TYW1B: variants seen among roughly 807,000 people sequenced by gnomAD.
The protein encoded by TYW1B is S-adenosyl-L-methionine-dependent tRNA 4-demethylwyosine synthase TYW1B.
TYW1B carries 73 observed loss-of-function variants against 86.9 expected under a neutral mutation model. The observed-to-expected ratio is 0.84, with a 90% CI of 0.70 to 1.02. The LOEUF (loss-of-function observed/expected upper bound fraction) is 1.02. TYW1B is among the 50% of genes least tolerant of loss of function. The probability of loss-of-function intolerance (pLI) is 0.00; values close to 1 mark genes in which losing one functional copy is unlikely to be tolerated. For synonymous variants in TYW1B, 248 were observed against 292.8 expected, an observed-to-expected ratio of 0.85 and a Z score of 1.56; for missense variants, 637 against 827.4, an observed-to-expected ratio of 0.77 and a Z score of 2.82.
intron 8 of TYW1B, among the ~76,000 whole-genome samples, chr7:72,732,705 T>C (rs550065777): frequency 6.6e-6 from 1 of 152,004 alleles, no homozygotes; most frequent in African/African-American, 2.4e-5. Flanking sequence ...TTCAGGGAAC[T>C]AGAAAAGCAA....
intron 11 of TYW1B, among the ~76,000 whole-genome samples, chr7:72,655,079 G>A (rs1813165595): frequency 6.6e-6 from 1 of 152,044 alleles, no homozygotes; most frequent in Non-Finnish European, 1.5e-5. Flanking sequence ...GAGGCGCTTG[G>A]TACTCACCTC....
intron 11 of TYW1B, among the ~76,000 whole-genome samples, chr7:72,632,399 T>TATATATACATATATATATAA (rs1812541714): frequency 1.1e-5 from 1 of 94,516 alleles, no homozygotes; most frequent in Admixed American, 1.3e-4. Context: ...TATATATATA[T>TATATATACATATATATATAA]AATATATATA....
intron 7 of TYW1B, among the ~76,000 whole-genome samples, chr7:72,770,113 C>T (rs188877219): frequency 7.5e-4 from 113 of 151,022 alleles, no homozygotes; most frequent in African/African-American, 2.4e-3. Context: ...AATCATCAAC[C>T]ATCACCAGCA....
At chr7:72,619,477 TA>T (rs1244238305) in intron 12 of TYW1B, among the ~76,000 whole-genome samples, 5 of 151,394 alleles carry the variant, frequency 3.3e-5, no homozygotes, top group African/African-American at 1.2e-4. Flanking sequence ...CCGTCTCTAC[TA>T]AAAATACAAA....
rs78808725 is a variant in TYW1B, at chr7:72,791,390, C to A, written c.846+11010G>T. On this transcript the variant is annotated intron_variant, in intron 6 of 13. Transcript: ENST00000620995. The stretch of plus-strand genomic sequence containing the variant: ...GTGAGTTGTCAATGCAGCGCGACAG[C>A]ATTAAAGACTGATGCTAAACCTCAA... Among the ~76,000 whole-genome samples, 18 of 141,432 alleles carry A rather than the reference C, an allele frequency of 1.3e-4. No homozygotes were observed. In the East Asian group the frequency reaches 3.6e-3, roughly 28 times the overall value. 92.8% of individuals were successfully genotyped at this position (141,432 alleles called of 152,430 possible).
At chr7:72,691,066 TTA>T (rs35432869) in intron 11 of TYW1B, among the ~76,000 whole-genome samples, 1 of 152,200 alleles carries the variant, frequency 6.6e-6, no homozygotes, top group African/African-American at 2.4e-5. Flanking sequence ...ATTTGAGTTT[TTA>T]TATGTTTGAC....
At chr7:72,678,600 C>T (rs1485600576) in intron 11 of TYW1B, among the ~76,000 whole-genome samples, 1 of 151,072 alleles carries the variant, frequency 6.6e-6, no homozygotes, top group Admixed American at 6.6e-5. Context: ...CATGGTGGCT[C>T]ACACCTGTAA....
chr7:72,679,467 TA>T (rs1158402135), intron 11 of TYW1B, among the ~76,000 whole-genome samples: 2 of 152,126 alleles, frequency 1.3e-5, no homozygotes, highest in Non-Finnish European at 2.9e-5. Context: ...AGGCTAAATA[TA>T]ACAATGTGAA....
chr7:72,733,536 C>G (rs1787149566), intron 8 of TYW1B, among the ~76,000 whole-genome samples: 1 of 152,166 alleles, frequency 6.6e-6, no homozygotes, highest in Non-Finnish European at 1.5e-5. Flanking sequence ...TGGCAGGCAC[C>G]TGTAATCCCA....
intron 13 of TYW1B, 77 bp from the exon 14 acceptor site, chr7:72,575,796 G>C: frequency 4.5e-6 from 7 of 1,571,294 alleles, no homozygotes; most frequent in Non-Finnish European, 6.0e-6. Flanking sequence ...TAAAAATCAT[G>C]AACAAGTCTG....
intron 10 of TYW1B, among the ~76,000 whole-genome samples, chr7:72,696,526 C>T (rs563977844): frequency 1.4e-4 from 22 of 152,186 alleles, no homozygotes; most frequent in Admixed American, 1.4e-3. Context: ...GGTTTATGTG[C>T]TTTATATACG....
At chr7:72,773,829 C>T (rs1392392563) in intron 7 of TYW1B, among the ~76,000 whole-genome samples, 3 of 152,086 alleles carry the variant, frequency 2.0e-5, no homozygotes, top group Non-Finnish European at 4.4e-5. Context: ...CTTTGGGAGG[C>T]CAAGGCGGGT....
intron 8 of TYW1B, among the ~76,000 whole-genome samples, chr7:72,730,398 A>C (rs1301472723): frequency 6.7e-6 from 1 of 150,296 alleles, no homozygotes; most frequent in Non-Finnish European, 1.5e-5. Context: ...AAAAGAGCCA[A>C]ACAGAAAACT....
At chr7:72,586,573 C>T (rs1291406101) in intron 13 of TYW1B, among the ~76,000 whole-genome samples, 1 of 152,036 alleles carries the variant, frequency 6.6e-6, no homozygotes, top group African/African-American at 2.4e-5. Context: ...CCCGTCTCTA[C>T]TAAAAATACA....
chr7:72,595,802 T>C (rs781947417), intron 13 of TYW1B, among the ~76,000 whole-genome samples: 2 of 152,098 alleles, frequency 1.3e-5, no homozygotes, highest in Non-Finnish European at 2.9e-5. Flanking sequence ...ATGAAAAGTA[T>C]AAAACATTAC....
chr7:72,746,786 G>A (rs1787403177), intron 7 of TYW1B, among the ~76,000 whole-genome samples: 1 of 152,180 alleles, frequency 6.6e-6, no homozygotes, highest in Non-Finnish European at 1.5e-5. Flanking sequence ...ACCAGTGAGA[G>A]CTTCCCAGAG....
intron 13 of TYW1B, among the ~76,000 whole-genome samples, chr7:72,613,095 C>T (rs1310096159): frequency 2.0e-5 from 3 of 152,072 alleles, no homozygotes; most frequent in African/African-American, 7.2e-5. Flanking sequence ...GAACTGTATT[C>T]TTTTGAAATA....
rs28736622 is a variant in TYW1B, at chr7:72,638,018, T to C, written c.1507-9021A>G. On this transcript the variant is annotated intron_variant, in intron 11 of 13. Transcript: ENST00000620995. ...TTTCATAAAATGTTTTTATTTATCC[T>C]GTTTGGGTTTATGTTTTCCTGTATT... Among the ~76,000 whole-genome samples, 854 of 149,900 alleles carry C rather than the reference T, an allele frequency of 5.7e-3. 1 individual carries two copies. The highest frequency in any genetic ancestry group is 7.1e-3 in the Non-Finnish European group (478 of 67,334).
chr7:72,623,778 CTTA>C (rs1166760478), intron 12 of TYW1B, among the ~76,000 whole-genome samples: 6 of 151,892 alleles, frequency 4.0e-5, no homozygotes, highest in African/African-American at 1.5e-4. Context: ...ATGGAGAGGT[CTTA>C]TTATTATTAT....
Sources: allele counts gnomAD v4.1 joint callset (sites outside exome capture counted in the v4.1 genomes callset), GRCh38; gene constraint gnomAD v4.1.1; transcripts MANE v1.5; gene names NCBI Gene and HGNC (gene_info 2026-07-23, HGNC 2026-07-21).